SPOCK3: variants seen among roughly 807,000 people sequenced by gnomAD.
SPOCK3 encodes SPARC (osteonectin), cwcv and kazal like domains proteoglycan 3.
Under a neutral mutation model 56.6 loss-of-function variants are expected in SPOCK3, and 30 were observed. That is an observed-to-expected ratio of 0.53 (90% CI 0.40 to 0.72). The LOEUF (loss-of-function observed/expected upper bound fraction) is 0.72. Among genes scored for constraint, SPOCK3 ranks in the 30% least tolerant of loss-of-function variants. The pLI is 0.00. For missense variants in SPOCK3, 527 were observed against 530.0 expected (o/e 0.99, Z 0.06); for synonymous variants, 196 against 183.3 (o/e 1.07, Z -0.56).
At position 167,058,118 on chromosome 4, in the gene SPOCK3, C is replaced by T. The variant is rs576522924; in HGVS notation, c.235+4374G>A. Among the ~76,000 whole-genome samples the T allele has an allele frequency of 1.2e-4, 18 of 152,250 alleles. No homozygotes were observed. In the South Asian group the frequency reaches 3.3e-3, roughly 28 times the overall value. ...ACAGGGATGCCCTCTCTCACCACTC[C>T]TATTCAACATAGTGTTGGAAGTTCT... is the stretch of plus-strand genomic sequence containing the variant. On this transcript the variant is annotated intron_variant, in intron 3 of 10. Coordinates refer to ENST00000357545, the MANE Select transcript of SPOCK3 (RefSeq NM_001040159.2).
intron 2 of SPOCK3, among the ~76,000 whole-genome samples, chr4:167,219,946 T>A (rs1056685154): frequency 7.9e-5 from 12 of 152,140 alleles, no homozygotes; most frequent in Admixed American, 5.2e-4. Context: ...GACAACAAAA[T>A]ATTCTTAAAA....
intron 2 of SPOCK3, among the ~76,000 whole-genome samples, chr4:167,121,371 C>A (rs1444522127): frequency 6.6e-6 from 1 of 151,294 alleles, no homozygotes; most frequent in Middle Eastern, 3.2e-3. Flanking sequence ...TTCGTGTCAG[C>A]AATTCAATTG....
At chr4:166,991,138 G>A (rs1235231879) in intron 4 of SPOCK3, among the ~76,000 whole-genome samples, 7 of 151,498 alleles carry the variant, frequency 4.6e-5, no homozygotes, top group African/African-American at 9.7e-5. Flanking sequence ...TGAAAAAATT[G>A]CTTAAGTTCT....
At chr4:167,174,482 T>C (rs1054646688) in intron 2 of SPOCK3, among the ~76,000 whole-genome samples, 10 of 150,978 alleles carry the variant, frequency 6.6e-5, no homozygotes, top group African/African-American at 2.4e-4. Context: ...CAAAAATATA[T>C]AGGGATTTAC....
At chr4:166,754,430 T>A (rs1160635107) in intron 8 of SPOCK3, 78 bp downstream of exon 8, 1 of 1,517,956 alleles carries the variant, frequency 6.6e-7, no homozygotes, top group Non-Finnish European at 8.8e-7. Context: ...CATAGTGTAC[T>A]GTTTTATTTT....
chr4:166,965,906 G>A (rs1744685335), intron 4 of SPOCK3, among the ~76,000 whole-genome samples: 1 of 151,956 alleles, frequency 6.6e-6, no homozygotes, highest in African/African-American at 2.4e-5. Flanking sequence ...ACATTTCATG[G>A]GTTTTGGGTA....
intron 3 of SPOCK3, among the ~76,000 whole-genome samples, chr4:167,022,492 A>G (rs181880479): frequency 6.8e-4 from 103 of 152,086 alleles, no homozygotes; most frequent in Middle Eastern, 6.8e-3. Context: ...AGACAAATAC[A>G]CTGAGTGAGT....
Position 166,936,683 on chromosome 4 carries a change from C to T in SPOCK3, c.351-23940G>A, listed in dbSNP as rs189078517. ...TTAGGTGAGCTGAATTTCTCTACTACGTATTTGATTTCTATTTGATTAATG... is the reference window on the plus strand; with the variant it reads ...TTAGGTGAGCTGAATTTCTCTACTATGTATTTGATTTCTATTTGATTAATG... On this transcript the variant is annotated intron_variant, in intron 4 of 10. Coordinates refer to ENST00000357545, the MANE Select transcript of SPOCK3 (RefSeq NM_001040159.2). Among the ~76,000 whole-genome samples, 249 of 152,022 alleles carry T rather than the reference C, an allele frequency of 1.6e-3. 1 individual carries two copies. The highest frequency in any genetic ancestry group is 4.5e-3 in the African/African-American group (186 of 41,506).
At chr4:167,056,268 A>T (rs1321731343) in intron 3 of SPOCK3, among the ~76,000 whole-genome samples, 1 of 152,058 alleles carries the variant, frequency 6.6e-6, no homozygotes, top group African/African-American at 2.4e-5. Context: ...GAAAACTAAC[A>T]AACAGAAACC....
At chr4:166,877,416 G>C (rs569584283) in intron 6 of SPOCK3, among the ~76,000 whole-genome samples, 1 of 152,074 alleles carries the variant, frequency 6.6e-6, no homozygotes, top group Non-Finnish European at 1.5e-5. Flanking sequence ...TAAGTAAAGA[G>C]TTCCATTACA....
intron 5 of SPOCK3, among the ~76,000 whole-genome samples, chr4:166,896,133 C>T (rs549847604): frequency 2.6e-5 from 4 of 152,154 alleles, no homozygotes; most frequent in Middle Eastern, 3.4e-3. Flanking sequence ...AAGGAAGAAA[C>T]ATGAGGATAA....
At chr4:166,745,059 A>G (rs1420809459) in intron 8 of SPOCK3, among the ~76,000 whole-genome samples, 1 of 152,210 alleles carries the variant, frequency 6.6e-6, no homozygotes, top group Non-Finnish European at 1.5e-5. Flanking sequence ...GTTGGAAAAC[A>G]CTCTGCACGA....
intron 2 of SPOCK3, among the ~76,000 whole-genome samples, chr4:167,231,005 A>G (rs1004243493): frequency 6.6e-6 from 1 of 152,048 alleles, no homozygotes; most frequent in Non-Finnish European, 1.5e-5. Flanking sequence ...TAGCATTTAT[A>G]TTGAGGAAAT....
intron 7 of SPOCK3, among the ~76,000 whole-genome samples, chr4:166,788,879 C>G (rs1189379072): frequency 6.6e-6 from 1 of 151,870 alleles, no homozygotes; most frequent in Non-Finnish European, 1.5e-5. Flanking sequence ...ATCATCAATG[C>G]TGGCTAATTT....
intron 6 of SPOCK3, among the ~76,000 whole-genome samples, chr4:166,879,871 G>A (rs983417257): frequency 6.6e-6 from 1 of 152,086 alleles, no homozygotes; most frequent in Non-Finnish European, 1.5e-5. Flanking sequence ...ATAAGATCTG[G>A]TTGTTTAAAA....
intron 3 of SPOCK3, among the ~76,000 whole-genome samples, chr4:167,050,073 G>C: frequency 6.6e-6 from 1 of 152,172 alleles, no homozygotes; most frequent in South Asian, 2.1e-4. Context: ...TATAGGGAGT[G>C]TGTGTTCAAT....
chr4:166,847,676 T>TATATATATATAC (rs1748241298), intron 6 of SPOCK3, among the ~76,000 whole-genome samples: 1 of 128,774 alleles, frequency 7.8e-6, no homozygotes, highest in South Asian at 2.4e-4. Flanking sequence ...TATATATATA[T>TATATATATATAC]ATATAAGAAT....
intron 4 of SPOCK3, among the ~76,000 whole-genome samples, chr4:166,966,768 T>C (rs900870913): frequency 3.3e-5 from 5 of 152,122 alleles, no homozygotes; most frequent in Non-Finnish European, 7.4e-5. Flanking sequence ...ATAATAACAT[T>C]ATTATTTAAA....
At position 167,086,931 on chromosome 4, in the gene SPOCK3, T is replaced by G. The variant is rs76423642; in HGVS notation, c.190-24394A>C. ...TTCACCATCTTCAGAAATGGATAAG[T>G]AAAGGTAGTTTAGGGACTTGACAAT... On this transcript the variant is annotated intron_variant, in intron 2 of 10. Transcript: ENST00000357545. Among the ~76,000 whole-genome samples the G allele has an allele frequency of 2.8e-3, 429 of 152,196 alleles. 1 individual carries two copies. The highest frequency in any genetic ancestry group is 5.3e-3 in the Non-Finnish European group (359 of 67,966).
Sources: gnomAD v4.1 joint callset for allele counts (sites outside exome capture counted in the v4.1 genomes callset) on GRCh38, gnomAD v4.1.1 for gene constraint, MANE v1.5 for transcripts, NCBI Gene and HGNC (gene_info 2026-07-23, HGNC 2026-07-21) for gene names.